The following AGO2 variants were observed in gnomAD, a reference collection of about 807,000 sequenced individuals.
AGO2 encodes protein argonaute-2.
Under a neutral mutation model 102.3 loss-of-function variants are expected in AGO2, and 5 were observed. The observed-to-expected ratio is 0.05, with a 90% confidence interval of 0.03 to 0.10. AGO2 has a LOEUF of 0.10. AGO2 is among the 10% of genes least tolerant of loss of function. The pLI is 1.00. For missense variants in AGO2, 541 were observed against 1,183.7 expected (o/e 0.46, Z 7.97); for synonymous variants, 449 against 473.1 (o/e 0.95, Z 0.66).
chr8:140,549,705 T>C (rs1321629348), intron 11 of AGO2, among the ~76,000 whole-genome samples: 1 of 152,256 alleles, frequency 6.6e-6, no homozygotes, highest in Non-Finnish European at 1.5e-5. Flanking sequence ...GGCCAGGCAC[T>C]GTCAGAGTGA....
intron 14 of AGO2, among the ~76,000 whole-genome samples, chr8:140,543,009 T>C (rs1370151335): frequency 1.3e-5 from 2 of 152,080 alleles, no homozygotes. Flanking sequence ...TGATGACAGG[T>C]GCCTGTAATC....
At chr8:140,633,859 T>C (rs1290620937) in intron 1 of AGO2, among the ~76,000 whole-genome samples, 1 of 152,152 alleles carries the variant, frequency 6.6e-6, no homozygotes. Context: ...CCTCAGCAAG[T>C]GGAGTGAATT....
rs1464149522 is a variant in AGO2 at position 140,539,982 on chromosome 8, C to T, written c.2035-528G>A. Reference sequence around the variant, plus strand: ...GGCACCTGTCGTAATCCCAGCTACTCCGGAGGCAGAGGCAGGAGAACTGCT... The same window carrying T: ...GGCACCTGTCGTAATCCCAGCTACTTCGGAGGCAGAGGCAGGAGAACTGCT... On this transcript the variant is annotated intron_variant, in intron 15 of 18. Coordinates refer to ENST00000220592, the MANE Select transcript of AGO2 (RefSeq NM_012154.5). This position sits in a 1 kb window ranked among gnomAD's most constrained non-coding sequence, Gnocchi z 4.7. 3.3e-5 allele frequency among the ~76,000 whole-genome samples: 5 copies of T among 152,168 alleles called. No homozygotes were observed. Among genetic ancestry groups the T allele is most frequent in the African/African-American group, 1.2e-4 (5 of 41,434 alleles).
intron 1 of AGO2, among the ~76,000 whole-genome samples, chr8:140,600,753 G>A (rs959622872): frequency 6.6e-6 from 1 of 151,510 alleles, no homozygotes; most frequent in African/African-American, 2.4e-5. Context: ...TCTGGAAAGA[G>A]GCCTCCATGT....
Position 140,532,503 on chromosome 8 carries a change from C to T in AGO2, c.2384G>A (p.Arg795His). 1.9e-6 allele frequency: 3 copies of T among 1,614,264 alleles called. No individual in the cohort carries two copies. The highest frequency in any genetic ancestry group is 2.5e-6 in the Non-Finnish European group (3 of 1,180,052). ...QLCHTYVRCT[R>H]SVSIPAPAYY... Reference sequence around the variant, plus strand: ...TGCTGGCGCTGGGATGGACACGGAGCGTGTGCAGCGCACGTAGGTGTGACA... The same window carrying T: ...TGCTGGCGCTGGGATGGACACGGAGTGTGTGCAGCGCACGTAGGTGTGACA... Residue 795 changes from arginine to histidine, a missense_variant, in exon 18 of 19, where the codon CGC (arginine) becomes CAC (histidine). Physicochemically the swap from Arg to His is conservative, Grantham distance 29. Around this residue, in one of 6 missense-constraint regions of AGO2, gnomAD observed 309 missense variants for 735.1 expected, o/e 0.42. Coordinates refer to ENST00000220592, the MANE Select transcript of AGO2 (RefSeq NM_012154.5).
chr8:140,641,900 G>C, the AGO2 span, among the ~76,000 whole-genome samples: 1 of 152,106 alleles, frequency 6.6e-6, no homozygotes, highest in Admixed American at 6.6e-5. Context: ...AATGAGGCTG[G>C]GCACAGTGGC....
chr8:140,544,563 TGAGG>T (rs2072862325), intron 13 of AGO2, among the ~76,000 whole-genome samples: 1 of 104,722 alleles, frequency 9.5e-6, no homozygotes, highest in Non-Finnish European at 1.8e-5. Flanking sequence ...TGACAGCTGT[TGAGG>T]CTGGGGCTCA....
At position 140,620,278 on chromosome 8, in the gene AGO2, G is replaced by A. The variant is rs117850995; in HGVS notation, c.22+15207C>T. ...CAGATGTGCCTAAGAGCTGTAGGCC[G>A]GGTAAGAGGCCTGTAGCAATGCTAA... On this transcript the variant is annotated intron_variant, in intron 1 of 18. Transcript: ENST00000220592. 2.9e-3 allele frequency among the ~76,000 whole-genome samples: 437 copies of A among 152,292 alleles called. 2 individuals carry two copies. The highest frequency in any genetic ancestry group is 4.1e-3 in the Non-Finnish European group (277 of 68,022).
At chr8:140,558,653 T>C (rs2132936279) in intron 6 of AGO2, 81 bp from the exon 7 acceptor site, 1 of 1,472,774 alleles carries the variant, frequency 6.8e-7, no homozygotes, top group South Asian at 1.1e-5. Context: ...TCAGTTTTCA[T>C]AGGAATGTGG....
chr8:140,521,184 A>G lies in AGO2; in HGVS notation c.*10860T>C, dbSNP rs1001326498. On this transcript the variant is annotated 3_prime_UTR_variant, in exon 19 of 19. Transcript: ENST00000220592. ...AAAACACAATGCGTCCTGGGGAGCC[A>G]ATTGCCCGGCACGTCTTATTACTGA... The G allele has an allele frequency of 2.0e-5, 3 of 152,194 alleles. No homozygotes were observed. The highest frequency in any genetic ancestry group is 6.5e-5 in the Admixed American group (1 of 15,278). 9.4% of individuals were successfully genotyped at this position (152,194 alleles called of 1,614,324 possible).
intron 1 of AGO2, among the ~76,000 whole-genome samples, chr8:140,610,997 G>A (rs957404050): frequency 1.3e-4 from 20 of 152,216 alleles, no homozygotes; most frequent in African/African-American, 4.3e-4. Flanking sequence ...AAGTAGACAC[G>A]CGCGCATGCA....
intron 1 of AGO2, among the ~76,000 whole-genome samples, chr8:140,609,070 G>A (rs575440624): frequency 1.3e-5 from 2 of 152,248 alleles, no homozygotes; most frequent in African/African-American, 4.8e-5. Context: ...AGCTGTGCCA[G>A]GGGCCTCAGC....
intron 1 of AGO2, among the ~76,000 whole-genome samples, chr8:140,596,979 C>G (rs2073854949): frequency 6.6e-6 from 1 of 152,220 alleles, no homozygotes; most frequent in Non-Finnish European, 1.5e-5. Flanking sequence ...GACAGGCACC[C>G]TGGCCCCAGA....
chr8:140,631,933 G>A (rs1364255422), intron 1 of AGO2, among the ~76,000 whole-genome samples: 3 of 152,208 alleles, frequency 2.0e-5, no homozygotes, highest in African/African-American at 7.2e-5. Flanking sequence ...GGTATTAAAT[G>A]AGTCACTCTA....
Position 140,549,308 on chromosome 8 carries a change from A to G in AGO2, c.1404-10T>C, listed in dbSNP as rs1252813193. 3 of 1,583,420 alleles carry G rather than the reference A, an allele frequency of 1.9e-6. No individual in the cohort carries two copies. The highest frequency in any genetic ancestry group is 1.3e-5 in the African/African-American group (1 of 74,542). ...CTGCTCTGTGAAGGACCTGCAGGAG[A>G]AGGCTCCGTTCACTACCGGGCACTG... is the stretch of plus-strand genomic sequence containing the variant. On this transcript the variant is annotated splice_polypyrimidine_tract_variant and intron_variant, in intron 11 of 18. Coordinates refer to ENST00000220592, the MANE Select transcript of AGO2 (RefSeq NM_012154.5).
rs907991821 is a variant in AGO2, at chr8:140,540,920, T to G, written c.2034+244A>C. On this transcript the variant is annotated intron_variant, in intron 15 of 18. Coordinates refer to ENST00000220592, the MANE Select transcript of AGO2 (RefSeq NM_012154.5). This position sits in a 1 kb window ranked among gnomAD's most constrained non-coding sequence, Gnocchi z 5.0. Reference sequence around the variant, plus strand: ...CAAGCGTCTCTCCCCCATCTCTTGGTCCCCAGGCCCATACCCGCCCCTCCT... The same window carrying G: ...CAAGCGTCTCTCCCCCATCTCTTGGGCCCCAGGCCCATACCCGCCCCTCCT... Among the ~76,000 whole-genome samples, 13 of 151,934 alleles carry G rather than the reference T, an allele frequency of 8.6e-5. No individual in the cohort carries two copies. Among genetic ancestry groups the G allele is most frequent in the Admixed American group, 6.6e-5 (1 of 15,262 alleles).
chr8:140,584,540 T>C (rs1305929708), intron 2 of AGO2, among the ~76,000 whole-genome samples: 1 of 152,228 alleles, frequency 6.6e-6, no homozygotes, highest in Non-Finnish European at 1.5e-5. Flanking sequence ...AACAAGAACG[T>C]TCACAGCAGT....
intron 3 of AGO2, chr8:140,572,111 T>A (rs1315400809): frequency 1.3e-5 from 2 of 152,192 alleles, no homozygotes; most frequent in Non-Finnish European, 2.9e-5. Flanking sequence ...AGCAGCACAT[T>A]TGTTGAAAGA....
chr8:140,596,119 G>A (rs912776352), intron 1 of AGO2, among the ~76,000 whole-genome samples: 1 of 149,808 alleles, frequency 6.7e-6, no homozygotes, highest in Admixed American at 6.8e-5. Context: ...AAAGTGTTGG[G>A]ATTACAGCGT....
Sources: allele counts gnomAD v4.1 joint callset (sites outside exome capture counted in the v4.1 genomes callset), GRCh38; gene constraint gnomAD v4.1.1; regional missense constraint gnomAD v4.1.1; non-coding constraint Gnocchi (gnomAD v3.1); transcripts MANE v1.5; gene names NCBI Gene and HGNC (gene_info 2026-07-23, HGNC 2026-07-21).